The following UPF1 variants were observed in gnomAD, a reference collection of about 807,000 sequenced individuals.
UPF1 encodes the protein UPF1 RNA helicase and ATPase, also known as regulator of nonsense transcripts 1.
Under a neutral mutation model 129.2 loss-of-function variants are expected in UPF1, and 9 were observed. That is an observed-to-expected ratio of 0.07 (90% CI 0.04 to 0.12). UPF1 has a LOEUF of 0.12. UPF1 is among the 10% of genes least tolerant of loss of function. The pLI is 1.00. For synonymous variants in UPF1, 649 were observed against 644.9 expected, an observed-to-expected ratio of 1.01 and a Z score of -0.10; for missense variants, 788 against 1,525.3, an observed-to-expected ratio of 0.52 and a Z score of 8.05.
chr19:18,863,371 C>T lies in UPF1; in HGVS notation c.2601-67C>T, dbSNP rs75843997. On this transcript the variant is annotated intron_variant, in intron 18 of 23. Transcript: ENST00000262803. ...GGGTTCTGAGTGAATGCAGCCTTGCCTCTTGGACCGTCCTGTGAGACGGGC... is the reference window on the plus strand; with the variant it reads ...GGGTTCTGAGTGAATGCAGCCTTGCTTCTTGGACCGTCCTGTGAGACGGGC... 156 of 1,575,644 alleles carry T rather than the reference C, an allele frequency of 9.9e-5. No homozygotes were observed. The East Asian group carries it at 2.8e-3, about 28-fold the overall frequency.
Position 18,867,608 on chromosome 19 carries a change from C to G in UPF1, c.*1091C>G, listed in dbSNP as rs1222065059. The G allele has an allele frequency of 6.6e-6, 1 of 152,470 alleles. No individual in the cohort carries two copies. The highest frequency in any genetic ancestry group is 1.5e-5 in the Non-Finnish European group (1 of 68,242). 9.4% of individuals were successfully genotyped at this position (152,470 alleles called of 1,614,324 possible). A position where few individuals can be genotyped will look rare whatever the true frequency, so the allele number is the denominator to read the frequency against. On this transcript the variant is annotated 3_prime_UTR_variant, in exon 24 of 24. Coordinates refer to ENST00000262803, the MANE Select transcript of UPF1 (RefSeq NM_002911.4). ...CACGGAGCGCTGCACACCGAAAGCC[C>G]AAATTGGGAGCTCTGCCTGCCGGCA... is the stretch of plus-strand genomic sequence containing the variant.
In UPF1 at chr19:18,864,392, T is replaced by A. The variant is rs118134406; in HGVS notation, c.2857+141T>A. 307 of 674,144 alleles carry A rather than the reference T, an allele frequency of 4.6e-4. 4 individuals carry two copies. The East Asian group carries it at 8.4e-3, about 18-fold the overall frequency. The allele number at this position is 674,144 out of a possible 1,614,324, so 41.8% of individuals were successfully genotyped here. On this transcript the variant is annotated intron_variant, in intron 20 of 23. Transcript: ENST00000262803. ...CTGGCTCCCTTGGCCTCCCCGCCCC[T>A]AGGGCATCTCTAGCCCCGGAACACT...
intron 2 of UPF1, among the ~76,000 whole-genome samples, chr19:18,847,053 C>T (rs978121359): frequency 8.5e-5 from 13 of 152,368 alleles, no homozygotes; most frequent in South Asian, 2.1e-4. Flanking sequence ...GCTCCTTGCC[C>T]GCGTGCTGCC....
chr19:18,850,121 C>T lies in UPF1; in HGVS notation c.508C>T (p.Leu170=), dbSNP rs1249274390. The change falls in exon 4 of 24, where the codon CTG becomes TTG. Residue 170 remains leucine (L), a synonymous_variant. Coordinates refer to ENST00000262803, the MANE Select transcript of UPF1 (RefSeq NM_002911.4). This position sits in a 1 kb window ranked among gnomAD's most constrained non-coding sequence, Gnocchi z 7.1. ...GAGGGCAAAATGCAAAGAGGTGACC[C>T]TGCACAAGGACGGGCCCCTGGGGGA... ...LVRAKCKEVT[L]HKDGPLGETV... 1 of 1,614,108 alleles carries T rather than the reference C, an allele frequency of 6.2e-7. No homozygotes were observed. Among genetic ancestry groups the T allele is most frequent in the Non-Finnish European group, 8.5e-7 (1 of 1,180,030 alleles).
rs190437853 is a variant in UPF1 at position 18,862,557 on chromosome 19, C to T, written c.2600+405C>T. On this transcript the variant is annotated intron_variant, in intron 18 of 23. Coordinates refer to ENST00000262803, the MANE Select transcript of UPF1 (RefSeq NM_002911.4). ...TCCCACATAAAACTAGACATCAGGCCAGGCATGGTGTCTCACACATGTAAT... is the reference window on the plus strand; with the variant it reads ...TCCCACATAAAACTAGACATCAGGCTAGGCATGGTGTCTCACACATGTAAT... 2.4e-3 allele frequency among the ~76,000 whole-genome samples: 363 copies of T among 152,096 alleles called. 1 individual carries two copies. The highest frequency in any genetic ancestry group is 3.9e-3 in the Non-Finnish European group (266 of 67,976).
intron 17 of UPF1, among the ~76,000 whole-genome samples, chr19:18,861,590 T>C (rs998419650): frequency 1.2e-4 from 19 of 152,270 alleles, no homozygotes; most frequent in African/African-American, 3.6e-4. Context: ...CCCAGCACTT[T>C]GGGAGGCTGA....
In UPF1 at chr19:18,853,463, G is replaced by C. The variant is rs563109227; in HGVS notation, c.1156+113G>C. 3.7e-6 allele frequency: 4 copies of C among 1,080,470 alleles called. No homozygotes were observed. The South Asian group carries it at 6.6e-5, about 18-fold the overall frequency. The allele number at this position is 1,080,470 out of a possible 1,614,324, so 66.9% of individuals were successfully genotyped here. A position where few individuals can be genotyped will look rare whatever the true frequency, so the allele number is the denominator to read the frequency against. On this transcript the variant is annotated intron_variant, in intron 8 of 23. Coordinates refer to ENST00000262803, the MANE Select transcript of UPF1 (RefSeq NM_002911.4). This position sits in a 1 kb window ranked among gnomAD's most constrained non-coding sequence, Gnocchi z 4.4. ...CTGCTGGGCCAGCATCTCATGCTCT[G>C]TGGTGGGTGCTGGTTGGCATCGCCC...
rs1568279876 is a variant in UPF1, at chr19:18,857,069, CT to C, written c.1968+51del. The C allele has an allele frequency of 5.7e-6, 9 of 1,581,286 alleles. No individual in the cohort carries two copies. In the South Asian group the frequency reaches 8.0e-5, roughly 14 times the overall value. ...TGTGTGAAAACTCGTGTGTGTGATTCTTGGTGTTTGTCTTTTAAAACACCTT... is the reference window on the plus strand; with the variant it reads ...TGTGTGAAAACTCGTGTGTGTGATTCTGGTGTTTGTCTTTTAAAACACCTT... On this transcript the variant is annotated intron_variant, in intron 14 of 23. Coordinates refer to ENST00000262803, the MANE Select transcript of UPF1 (RefSeq NM_002911.4).
chr19:18,866,254 G>A (rs1344840948), intron 23 of UPF1, 88 bp downstream of exon 23: 86 of 1,445,472 alleles, frequency 5.9e-5, no homozygotes, highest in Non-Finnish European at 7.5e-5. Context: ...GCACTGGAGG[G>A]GTGGTATCTG....
At chr19:18,860,493 T>TAAC in intron 16 of UPF1, 55 bp downstream of exon 16, 1 of 1,547,688 alleles carries the variant, frequency 6.5e-7, no homozygotes, top group South Asian at 1.1e-5. Flanking sequence ...GCTTGAGAGG[T>TAAC]TGTTGACCCA....
At chr19:18,861,353 C>A (rs533249820) in intron 17 of UPF1, among the ~76,000 whole-genome samples, 1 of 152,298 alleles carries the variant, frequency 6.6e-6, no homozygotes, top group South Asian at 2.1e-4. Flanking sequence ...TTTATTGACA[C>A]CCGGATGAAA....
At chr19:18,855,809 C>A in intron 11 of UPF1, 116 bp from the exon 12 acceptor site, 1 of 1,399,618 alleles carries the variant, frequency 7.1e-7, no homozygotes, top group Non-Finnish European at 9.5e-7. Flanking sequence ...GATCACACCA[C>A]TGCACTCCAG....
intron 13 of UPF1, 75 bp downstream of exon 13, chr19:18,856,375 A>G: frequency 2.2e-6 from 3 of 1,381,372 alleles, no homozygotes; most frequent in Middle Eastern, 2.6e-4. Flanking sequence ...CAAAGCACCT[A>G]TTTGAATTGT....
At chr19:18,847,960 T>C in intron 3 of UPF1, 127 bp downstream of exon 3, 2 of 902,364 alleles carry the variant, frequency 2.2e-6, no homozygotes, top group East Asian at 5.4e-5. Context: ...TTTCCTCCTC[T>C]GTGACTGGTT....
intron 1 of UPF1, among the ~76,000 whole-genome samples, chr19:18,833,846 C>T (rs2055455198): frequency 6.6e-6 from 1 of 152,194 alleles, no homozygotes; most frequent in South Asian, 2.1e-4. Context: ...GATTGAGTCA[C>T]TCTCGTGGGT....
At chr19:18,863,849 G>A (rs1005989952) in intron 19 of UPF1, among the ~76,000 whole-genome samples, 2 of 152,192 alleles carry the variant, frequency 1.3e-5, no homozygotes, top group Admixed American at 6.5e-5. Context: ...GCTCAGGGCT[G>A]CTGTGCTGCA....
At position 18,863,532 on chromosome 19, in the gene UPF1, G is replaced by A; in HGVS notation, c.2695G>A (p.Val899Met). Residue 899 changes from valine to methionine, a missense_variant, in exon 19 of 24, where the codon GTG (valine) becomes ATG (methionine). Coordinates refer to ENST00000262803, the MANE Select transcript of UPF1 (RefSeq NM_002911.4). ...LNYYKEQKVL[V>M]EGPLNNLRES... is the part of the protein sequence containing the mutation. ...CTACTATAAGGAGCAGAAGGTGCTG[G>A]TGGAGGGGCCGCTCAACAACCTGCG... 4 of 1,613,892 alleles carry A rather than the reference G, an allele frequency of 2.5e-6. No homozygotes were observed. Among genetic ancestry groups the A allele is most frequent in the Non-Finnish European group, 3.4e-6 (4 of 1,179,892 alleles).
intron 11 of UPF1, chr19:18,855,717 G>C: frequency 1.5e-6 from 1 of 658,268 alleles, no homozygotes; most frequent in South Asian, 2.0e-5. Context: ...GGGTAGTGGC[G>C]TGCACCTGTG....
At position 18,850,327 on chromosome 19, in the gene UPF1, G is replaced by A. The variant is rs1010412858; in HGVS notation, c.629+85G>A. The stretch of plus-strand genomic sequence containing the variant: ...AGCCTTGGCCCAGCCCAGCCCAGCC[G>A]TGGCTCTAACTCCAGGGAGTTGTCC... On this transcript the variant is annotated intron_variant, in intron 4 of 23. Transcript: ENST00000262803. The surrounding 1 kb of genome is among the most constrained non-coding windows in gnomAD (Gnocchi z 7.1). The A allele has an allele frequency of 2.6e-5, 39 of 1,490,574 alleles. No homozygotes were observed. The highest frequency in any genetic ancestry group is 5.7e-5 in the African/African-American group (4 of 70,736). 92.3% of individuals were successfully genotyped at this position (1,490,574 alleles called of 1,614,324 possible). A position where few individuals can be genotyped will look rare whatever the true frequency, so the allele number is the denominator to read the frequency against.
Sources: allele counts gnomAD v4.1 joint callset (sites outside exome capture counted in the v4.1 genomes callset), GRCh38; gene constraint gnomAD v4.1.1; non-coding constraint Gnocchi (gnomAD v3.1); transcripts MANE v1.5; gene names NCBI Gene and HGNC (gene_info 2026-07-23, HGNC 2026-07-21).